The following FBXO34 variants were observed in gnomAD, a reference collection of about 807,000 sequenced individuals.
FBXO34 encodes F-box only protein 34.
In FBXO34, 12 loss-of-function variants were observed where a neutral mutation model predicts 24.5. The observed-to-expected ratio is 0.49, with a 90% CI of 0.31 to 0.79. FBXO34 has a LOEUF of 0.79. Among genes scored for constraint, FBXO34 ranks in the 30% least tolerant of loss-of-function variants. FBXO34 has a pLI of 0.04. For missense variants in FBXO34, 823 were observed against 857.7 expected (o/e 0.96, Z 0.51); for synonymous variants, 320 against 311.9 (o/e 1.03, Z -0.27).
chr14:55,333,364 C>T (rs1883664369), intron 1 of FBXO34, among the ~76,000 whole-genome samples: 1 of 152,152 alleles, frequency 6.6e-6, no homozygotes. Context: ...CATCTAATAA[C>T]CCAGCACTAA....
downstream of FBXO34, among the ~76,000 whole-genome samples, chr14:55,362,260 T>TAA (rs1884603194): frequency 6.6e-6 from 1 of 152,174 alleles, no homozygotes; most frequent in Admixed American, 6.5e-5. Flanking sequence ...AATACACACA[T>TAA]TTATTAAGTT....
Position 55,352,666 on chromosome 14 carries a change from T to G in FBXO34, c.*140T>G. The stretch of plus-strand genomic sequence containing the variant: ...TCAGGACTGCATTGCTCAGGCATTT[T>G]CTAAACTCTAAATTTACGAGCTGTA... On this transcript the variant is annotated 3_prime_UTR_variant, in exon 2 of 2. Coordinates refer to ENST00000313833, the MANE Select transcript of FBXO34 (RefSeq NM_017943.4). 1.4e-6 allele frequency: 1 copy of G among 708,566 alleles called. No homozygotes were observed. Among genetic ancestry groups the G allele is most frequent in the Non-Finnish European group, 2.2e-6 (1 of 453,658 alleles). 43.9% of individuals were successfully genotyped at this position (708,566 alleles called of 1,614,324 possible). A position where few individuals can be genotyped will look rare whatever the true frequency, so the allele number is the denominator to read the frequency against.
intron 1 of FBXO34, chr14:55,339,647 A>G (rs748071648): frequency 3.9e-5 from 6 of 152,204 alleles, no homozygotes; most frequent in African/African-American, 7.2e-5. Flanking sequence ...TGATTTATCT[A>G]TAGTATAGAT....
intron 1 of FBXO34, among the ~76,000 whole-genome samples, chr14:55,289,886 A>T (rs1019063249): frequency 2.6e-5 from 4 of 151,980 alleles, no homozygotes; most frequent in Admixed American, 2.6e-4. Context: ...ATGGTAGCAT[A>T]CTCTGTATAC....
At chr14:55,371,307 G>A (rs1232130559), downstream of FBXO34, among the ~76,000 whole-genome samples, 1 of 152,132 alleles carries the variant, frequency 6.6e-6, no homozygotes, top group Non-Finnish European at 1.5e-5. Context: ...GGCTTCCAAC[G>A]CACCTCACCA....
downstream of FBXO34, among the ~76,000 whole-genome samples, chr14:55,362,091 C>T (rs1884601460): frequency 6.6e-6 from 1 of 152,192 alleles, no homozygotes; most frequent in Non-Finnish European, 1.5e-5. Flanking sequence ...TCATTTCTAG[C>T]TTCTGATTTA....
the FBXO34 span, chr14:55,386,209 A>C: frequency 1.2e-6 from 1 of 863,320 alleles, no homozygotes; most frequent in Non-Finnish European, 1.8e-6. Context: ...CTGAAAGCAA[A>C]ACCTGAATAA....
chr14:55,293,506 G>C (rs914189380), intron 1 of FBXO34, among the ~76,000 whole-genome samples: 14 of 152,102 alleles, frequency 9.2e-5, no homozygotes, highest in African/African-American at 3.4e-4. Flanking sequence ...CTTTGTAAGG[G>C]CCTGATATCT....
intron 1 of FBXO34, among the ~76,000 whole-genome samples, chr14:55,314,439 A>G (rs1256693693): frequency 6.6e-6 from 1 of 152,204 alleles, no homozygotes. Context: ...GCTACCTCCC[A>G]GAAGGGAAGC....
At chr14:55,299,444 C>A (rs1375562240) in intron 1 of FBXO34, among the ~76,000 whole-genome samples, 1 of 152,064 alleles carries the variant, frequency 6.6e-6, no homozygotes, top group East Asian at 1.9e-4. Flanking sequence ...GGAGAAGTGC[C>A]TGCTGTTTAT....
At chr14:55,309,963 A>C (rs1297655430) in intron 1 of FBXO34, among the ~76,000 whole-genome samples, 1 of 152,188 alleles carries the variant, frequency 6.6e-6, no homozygotes, top group Non-Finnish European at 1.5e-5. Flanking sequence ...GACTGTTTTT[A>C]ATAGTGATAA....
intron 1 of FBXO34, among the ~76,000 whole-genome samples, chr14:55,318,669 C>G (rs1883024646): frequency 6.6e-6 from 1 of 151,416 alleles, no homozygotes; most frequent in Non-Finnish European, 1.5e-5. Flanking sequence ...TGGGCTTTAT[C>G]AGTTTTTTAT....
chr14:55,406,563 T>C, the FBXO34 span, among the ~76,000 whole-genome samples: 4 of 152,226 alleles, frequency 2.6e-5, no homozygotes, highest in South Asian at 6.2e-4. Context: ...GAGACCTGTC[T>C]TTCTCCTCTG....
At chr14:55,323,216 A>ATATATAT (rs1467413034) in intron 1 of FBXO34, among the ~76,000 whole-genome samples, 60 of 36,398 alleles carry the variant, frequency 1.6e-3, no homozygotes, top group Non-Finnish European at 2.0e-3. Flanking sequence ...AAAAAAAAAA[A>ATATATAT]AAATATATAT....
chr14:55,309,508 A>G (rs1882662978), intron 1 of FBXO34, among the ~76,000 whole-genome samples: 1 of 152,224 alleles, frequency 6.6e-6, no homozygotes, highest in Admixed American at 6.5e-5. Context: ...GGTTAGGAGA[A>G]GACCTCTTTT....
At chr14:55,364,707 G>T (rs535906626), downstream of FBXO34, among the ~76,000 whole-genome samples, 8 of 150,330 alleles carry the variant, frequency 5.3e-5, no homozygotes, top group South Asian at 1.7e-3. Flanking sequence ...GGGACTACAG[G>T]TGTGAACCAC....
At position 55,321,563 on chromosome 14, in the gene FBXO34, A is replaced by C. The variant is rs191490415; in HGVS notation, c.-10-28818A>C. On this transcript the variant is annotated intron_variant, in intron 1 of 1. Coordinates refer to ENST00000313833, the MANE Select transcript of FBXO34 (RefSeq NM_017943.4). ...AGCCAAATGCCACCACCCCCGGCTAAGTTTCATATTTTTTGTAGAGATGGG... is the reference window on the plus strand; with the variant it reads ...AGCCAAATGCCACCACCCCCGGCTACGTTTCATATTTTTTGTAGAGATGGG... Among the ~76,000 whole-genome samples, 6 of 152,140 alleles carry C rather than the reference A, an allele frequency of 3.9e-5. 1 individual carries two copies. The East Asian group carries it at 9.7e-4, about 25-fold the overall frequency.
At chr14:55,281,211 G>A (rs1221569496) in intron 1 of FBXO34, among the ~76,000 whole-genome samples, 3 of 140,800 alleles carry the variant, frequency 2.1e-5, no homozygotes, top group Non-Finnish European at 4.5e-5. Flanking sequence ...CTATGATCGT[G>A]CCACTGGACT....
chr14:55,282,187 G>C (rs1169281079), intron 1 of FBXO34: 1 of 195,764 alleles, frequency 5.1e-6, no homozygotes, highest in African/African-American at 2.4e-5. Flanking sequence ...AGTAGACAGG[G>C]TTTCTCCATG....
Sources: gnomAD v4.1 joint callset for allele counts (sites outside exome capture counted in the v4.1 genomes callset) on GRCh38, gnomAD v4.1.1 for gene constraint, MANE v1.5 for transcripts, NCBI Gene and HGNC (gene_info 2026-07-23, HGNC 2026-07-21) for gene names.